Variants in ABCF1 observed in about 807,000 individuals in gnomAD.
The protein encoded by ABCF1 is ATP-binding cassette sub-family F member 1.
In ABCF1, 73 loss-of-function variants were observed where a neutral mutation model predicts 126.3. The observed-to-expected ratio is 0.58, with a 90% CI of 0.48 to 0.70. The LOEUF is 0.70. Ranked by LOEUF, ABCF1 falls within the 30% of genes least tolerant of loss-of-function variation. ABCF1 has a pLI of 0.00. For synonymous variants in ABCF1, 345 were observed against 396.4 expected (o/e 0.87, Z 1.54); for missense variants, 786 against 1,057.5 (o/e 0.74, Z 3.56).
rs915324836 is a variant in ABCF1, at chr6:30,590,820, C to T, written c.*119C>T. ...AGCTGACCTGGCAACCATTCAGGCACATGAAGGTGGAGTGTGACCTTGATG... is the reference window on the plus strand; with the variant it reads ...AGCTGACCTGGCAACCATTCAGGCATATGAAGGTGGAGTGTGACCTTGATG... On this transcript the variant is annotated 3_prime_UTR_variant, in exon 25 of 25. Coordinates refer to ENST00000326195, the MANE Select transcript of ABCF1 (RefSeq NM_001025091.2). The T allele has an allele frequency of 8.7e-7, 1 of 1,150,052 alleles. No individual in the cohort carries two copies. 71.2% of individuals were successfully genotyped at this position (1,150,052 alleles called of 1,614,324 possible).
intron 1 of ABCF1, among the ~76,000 whole-genome samples, chr6:30,575,596 T>G (rs1234748477): frequency 6.6e-6 from 1 of 151,906 alleles, no homozygotes; most frequent in Non-Finnish European, 1.5e-5. Context: ...TTGGCTTTAC[T>G]GGGAACACAG....
At chr6:30,573,365 G>A (rs184431740) in intron 1 of ABCF1, among the ~76,000 whole-genome samples, 1 of 152,336 alleles carries the variant, frequency 6.6e-6, no homozygotes. Context: ...TGAGTTAGGC[G>A]TTTCTGAGGA....
At position 30,583,250 on chromosome 6, in the gene ABCF1, T is replaced by G. The variant is rs1801923526; in HGVS notation, c.915+62T>G. 2.6e-6 allele frequency: 4 copies of G among 1,557,326 alleles called. No homozygotes were observed. On this transcript the variant is annotated intron_variant, in intron 10 of 24. Transcript: ENST00000326195. This position sits in a 1 kb window ranked among gnomAD's most constrained non-coding sequence, Gnocchi z 4.1. ...TAGGGAAGAGCCAGTTCTCTCATCT[T>G]CCCTGAGTGGCTGTGGTGTGTGAAT...
intron 1 of ABCF1, among the ~76,000 whole-genome samples, chr6:30,577,045 A>G (rs1801535848): frequency 6.6e-6 from 1 of 152,194 alleles, no homozygotes; most frequent in Admixed American, 6.5e-5. Context: ...CCCACCACCA[A>G]GTAGGCTTTA....
Position 30,571,520 on chromosome 6 carries a change from G to A in ABCF1, c.33G>A (p.Glu11=), listed in dbSNP as rs549451699. 8 of 1,611,404 alleles carry A rather than the reference G, an allele frequency of 5.0e-6. No individual in the cohort carries two copies. Among genetic ancestry groups the A allele is most frequent in the Middle Eastern group, 1.8e-4 (1 of 5,478 alleles). MPKAPKQQPP[E]PEWIGDGEST... Reference sequence around the variant, plus strand: ...AGGCGCCCAAGCAGCAGCCGCCGGAGCCCGAGTGGATCGGGGACGGAGAGA... The same window carrying A: ...AGGCGCCCAAGCAGCAGCCGCCGGAACCCGAGTGGATCGGGGACGGAGAGA... The change falls in exon 1 of 25, where the codon GAG becomes GAA. Residue 11 remains glutamate (E), a synonymous_variant. Coordinates refer to ENST00000326195, the MANE Select transcript of ABCF1 (RefSeq NM_001025091.2).
chr6:30,590,188 G>C lies in ABCF1; in HGVS notation c.2273G>C (p.Cys758Ser). The C allele has an allele frequency of 6.2e-7, 1 of 1,613,086 alleles. No individual in the cohort carries two copies. The highest frequency in any genetic ancestry group is 8.5e-7 in the Non-Finnish European group (1 of 1,180,028). ...KARVVFAELA[C>S]REPDVLILDE... Reference sequence around the variant, plus strand: ...CGAGTTGTGTTTGCTGAGCTGGCCTGTCGGGAACCTGATGTCCTCATCTTG... The same window carrying C: ...CGAGTTGTGTTTGCTGAGCTGGCCTCTCGGGAACCTGATGTCCTCATCTTG... The change falls in exon 23 of 25, where the codon TGT becomes TCT. Residue 758 changes from cysteine to serine, a missense_variant. Cys to Ser is a moderately radical substitution (Grantham distance 112). Transcript: ENST00000326195.
At chr6:30,578,649 G>A (rs868823992) in intron 6 of ABCF1, 72 bp downstream of exon 6, 33 of 1,276,534 alleles carry the variant, frequency 2.6e-5, no homozygotes, top group South Asian at 1.4e-4. Flanking sequence ...GTAATTTCCC[G>A]CTTTTAAACT....
At position 30,585,291 on chromosome 6, in the gene ABCF1, C is replaced by A; in HGVS notation, c.1423C>A (p.Leu475Met). 1 of 1,613,638 alleles carries A rather than the reference C, an allele frequency of 6.2e-7. No homozygotes were observed. Among genetic ancestry groups the A allele is most frequent in the Non-Finnish European group, 8.5e-7 (1 of 1,180,022 alleles). The change falls in exon 15 of 25, where the codon CTG (leucine) becomes ATG (methionine). Residue 475 changes from leucine to methionine, a missense_variant. Physicochemically the swap from Leu to Met is conservative, Grantham distance 15. Around this residue, in one of 4 missense-constraint regions of ABCF1, gnomAD observed 13 missense variants for 55.8 expected, o/e 0.23. Transcript: ENST00000326195. The part of the protein sequence containing the change: ...ALFMEPTLLM[L>M]DEPTNHLDLN... ...GTTCATGGAGCCCACACTGCTGATG[C>A]TGGATGAGCCCACCAACCACCTGGA...
In ABCF1 at chr6:30,583,246, A is replaced by G. The variant is rs749643396; in HGVS notation, c.915+58A>G. Reference sequence around the variant, plus strand: ...TACCTAGGGAAGAGCCAGTTCTCTCATCTTCCCTGAGTGGCTGTGGTGTGT... The same window carrying G: ...TACCTAGGGAAGAGCCAGTTCTCTCGTCTTCCCTGAGTGGCTGTGGTGTGT... On this transcript the variant is annotated intron_variant, in intron 10 of 24. Transcript: ENST00000326195. The surrounding 1 kb of genome is among the most constrained non-coding windows in gnomAD (Gnocchi z 4.1). 1.5e-4 allele frequency: 233 copies of G among 1,559,872 alleles called. No homozygotes were observed. Among genetic ancestry groups the G allele is most frequent in the Non-Finnish European group, 2.0e-4 (230 of 1,146,840 alleles).
intron 1 of ABCF1, among the ~76,000 whole-genome samples, chr6:30,576,238 T>G (rs1801490421): frequency 6.7e-6 from 1 of 148,854 alleles, no homozygotes; most frequent in Admixed American, 6.7e-5. Flanking sequence ...CCCAGCTAAT[T>G]TTGCCAGCTA....
intron 20 of ABCF1, among the ~76,000 whole-genome samples, chr6:30,587,776 G>T (rs1449576552): frequency 6.6e-6 from 1 of 151,850 alleles, no homozygotes; most frequent in Non-Finnish European, 1.5e-5. Context: ...TTGAGTCCAG[G>T]GGGCAGAGGT....
Position 30,585,884 on chromosome 6 carries a change from T to A in ABCF1, c.1606T>A (p.Phe536Ile). The stretch of plus-strand genomic sequence containing the variant: ...GGTCCCCTCTTCTGCCCCAGTGACC[T>A]TCAAAAAGATGTACCAGCAGAAGCA... The part of the protein sequence containing the change: ...LHYYRGNYMT[F>I]KKMYQQKQKE... Residue 536 changes from phenylalanine (F) to isoleucine (I), a missense_variant, in exon 17 of 25, where the codon TTC becomes ATC. Around this residue, in one of 4 missense-constraint regions of ABCF1, gnomAD observed 288 missense variants for 423.5 expected, o/e 0.68. Coordinates refer to ENST00000326195, the MANE Select transcript of ABCF1 (RefSeq NM_001025091.2). 6.2e-7 allele frequency: 1 copy of A among 1,603,606 alleles called. No homozygotes were observed. The highest frequency in any genetic ancestry group is 2.2e-5 in the East Asian group (1 of 44,714).
chr6:30,590,253 A>G, intron 23 of ABCF1, 40 bp downstream of exon 23: 1 of 1,612,672 alleles, frequency 6.2e-7, no homozygotes, highest in Non-Finnish European at 8.5e-7. Context: ...TAAGGGTAAC[A>G]GTAATGGAAG....
Position 30,588,672 on chromosome 6 carries a change from T to C in ABCF1, c.2032-1016T>C, listed in dbSNP as rs115609529. On this transcript the variant is annotated intron_variant, in intron 20 of 24. Coordinates refer to ENST00000326195, the MANE Select transcript of ABCF1 (RefSeq NM_001025091.2). ...CCACGCCCGGCAAACTCTACCATTT[T>C]ATTTGAACTTTTGTAATATATTGCC... Among the ~76,000 whole-genome samples, 1,044 of 152,114 alleles carry C rather than the reference T, an allele frequency of 6.9e-3. 11 individuals are homozygous for C. Among genetic ancestry groups the C allele is most frequent in the African/African-American group, 0.022 (911 of 41,492 alleles).
chr6:30,573,429 A>G (rs1328344058), intron 1 of ABCF1, among the ~76,000 whole-genome samples: 1 of 152,234 alleles, frequency 6.6e-6, no homozygotes, highest in South Asian at 2.1e-4. Context: ...TGGAGAGACA[A>G]CTATACTAGG....
At chr6:30,581,883 C>T (rs1165452937) in intron 8 of ABCF1, among the ~76,000 whole-genome samples, 1 of 152,004 alleles carries the variant, frequency 6.6e-6, no homozygotes, top group Non-Finnish European at 1.5e-5. Context: ...TGTCTTGTAC[C>T]ATTCCTGGTA....
At chr6:30,587,599 C>T (rs1385698921) in intron 20 of ABCF1, among the ~76,000 whole-genome samples, 1 of 151,840 alleles carries the variant, frequency 6.6e-6, no homozygotes, top group Non-Finnish European at 1.5e-5. Flanking sequence ...TGCGCTATTG[C>T]ACTCCAGCCT....
chr6:30,580,876 A>G (rs1396455883), intron 8 of ABCF1, among the ~76,000 whole-genome samples: 1 of 151,850 alleles, frequency 6.6e-6, no homozygotes. Flanking sequence ...AGGTCTCACT[A>G]TGTTGCTCAG....
intron 14 of ABCF1, 40 bp from the exon 15 acceptor site, chr6:30,585,219 CT>C (rs780103320): frequency 2.0e-5 from 32 of 1,562,844 alleles, no homozygotes; most frequent in African/African-American, 4.1e-5. Context: ...GAGCAAGGAT[CT>C]TTCTCTCCCT....
Sources: gnomAD v4.1 joint callset for allele counts (sites outside exome capture counted in the v4.1 genomes callset) on GRCh38, gnomAD v4.1.1 for gene constraint, gnomAD v4.1.1 regional missense constraint, Gnocchi (gnomAD v3.1) non-coding constraint, MANE v1.5 for transcripts, NCBI Gene and HGNC (gene_info 2026-07-23, HGNC 2026-07-21) for gene names.